The following OR7E24 variants were observed in gnomAD, a reference collection of about 807,000 sequenced individuals.
OR7E24 encodes olfactory receptor 7E24.
For missense variants in OR7E24, 385 were observed against 410.3 expected (o/e 0.94, Z 0.53); for synonymous variants, 130 against 157.5 (o/e 0.83, Z 1.31).
the OR7E24 span, chr19:9,212,402 G>A: frequency 6.6e-6 from 1 of 152,106 alleles, no homozygotes; most frequent in Non-Finnish European, 1.5e-5. Context: ...TACCAAATTT[G>A]CAGGATGCAA....
At chr19:9,238,867 A>G in the OR7E24 span, among the ~76,000 whole-genome samples, 3 of 152,312 alleles carry the variant, frequency 2.0e-5, no homozygotes, top group South Asian at 6.2e-4. Flanking sequence ...TTCTTTGTAA[A>G]GGCTAAATAG....
At chr19:9,218,598 T>A in the OR7E24 span, among the ~76,000 whole-genome samples, 1 of 152,156 alleles carries the variant, frequency 6.6e-6, no homozygotes, top group African/African-American at 2.4e-5. Context: ...CTACTACAAT[T>A]TCAATCTTTT....
At chr19:9,243,160 G>T (rs1297404548), upstream of OR7E24, among the ~76,000 whole-genome samples, 1 of 152,006 alleles carries the variant, frequency 6.6e-6, no homozygotes, top group Admixed American at 6.6e-5. Context: ...GGTAGAACTG[G>T]GTCTGCAGTG....
At chr19:9,214,670 G>T in the OR7E24 span, 2 of 1,614,188 alleles carry the variant, frequency 1.2e-6, no homozygotes, top group Non-Finnish European at 1.7e-6. Flanking sequence ...ACATGGGGGT[G>T]TGGAGGTGGG....
In OR7E24 at chr19:9,251,698, T is replaced by G. The variant is rs1297264405; in HGVS notation, c.655T>G (p.Phe219Val). Residue 219 changes from phenylalanine to valine, a missense_variant, in exon 1 of 1, where the codon TTC (phenylalanine) becomes GTC (valine). Phe to Val is a conservative substitution (Grantham distance 50, BLOSUM62 -1). Transcript: ENST00000456448. ...DTFINEMVIY[F>V]MGAIFGCLPI... ...CTTCATCAATGAAATGGTCATATAT[T>G]TCATGGGTGCCATATTTGGCTGTCT... 5 of 1,613,680 alleles carry G rather than the reference T, an allele frequency of 3.1e-6. No individual in the cohort carries two copies. The highest frequency in any genetic ancestry group is 4.2e-6 in the Non-Finnish European group (5 of 1,179,850).
chr19:9,236,517 A>G, the OR7E24 span, among the ~76,000 whole-genome samples: 1 of 152,086 alleles, frequency 6.6e-6, no homozygotes. Flanking sequence ...CTGAAAAAAA[A>G]GAAAAAAAAG....
At chr19:9,219,742 G>C in the OR7E24 span, among the ~76,000 whole-genome samples, 1 of 152,176 alleles carries the variant, frequency 6.6e-6, no homozygotes, top group African/African-American at 2.4e-5. Context: ...TCTCCAAAGA[G>C]TTTGGCTCCC....
the OR7E24 span, among the ~76,000 whole-genome samples, chr19:9,228,695 C>G: frequency 6.6e-6 from 1 of 152,184 alleles, no homozygotes; most frequent in Non-Finnish European, 1.5e-5. Flanking sequence ...AAAACCTACT[C>G]ACCAATTTGC....
At chr19:9,225,284 T>C in the OR7E24 span, among the ~76,000 whole-genome samples, 1 of 151,840 alleles carries the variant, frequency 6.6e-6, no homozygotes, top group East Asian at 2.0e-4. Flanking sequence ...GCAAGAGAAC[T>C]GCTTGAACCT....
At chr19:9,238,251 A>C in the OR7E24 span, among the ~76,000 whole-genome samples, 2,973 of 152,268 alleles carry the variant, frequency 0.02, 84 homozygotes, top group African/African-American at 0.068. Flanking sequence ...AGAGCAAGTG[A>C]CAGCCTGGGT....
the OR7E24 span, chr19:9,207,579 A>G: frequency 6.6e-6 from 1 of 152,344 alleles, no homozygotes; most frequent in East Asian, 1.9e-4. Flanking sequence ...TAGATAGAAG[A>G]AATAAGTTCC....
the OR7E24 span, among the ~76,000 whole-genome samples, chr19:9,241,702 T>G: frequency 6.6e-6 from 1 of 152,178 alleles, no homozygotes; most frequent in Non-Finnish European, 1.5e-5. Context: ...AGGTAGAGGT[T>G]GCAGTGAGCT....
At chr19:9,235,161 T>G in the OR7E24 span, 5 of 1,243,796 alleles carry the variant, frequency 4.0e-6, no homozygotes, top group Non-Finnish European at 5.7e-6. Context: ...CAGAAAACCT[T>G]ACAGAATTAT....
chr19:9,223,270 G>A, the OR7E24 span, among the ~76,000 whole-genome samples: 15 of 152,284 alleles, frequency 9.9e-5, no homozygotes, highest in Admixed American at 3.9e-4. Flanking sequence ...CGGACATTCC[G>A]AAGCAGCACC....
At chr19:9,216,625 T>C in the OR7E24 span, among the ~76,000 whole-genome samples, 1 of 152,136 alleles carries the variant, frequency 6.6e-6, no homozygotes, top group South Asian at 2.1e-4. Flanking sequence ...AGAGTCTCAC[T>C]CTGTTGACCA....
At chr19:9,213,193 G>A in the OR7E24 span, 1 of 152,152 alleles carries the variant, frequency 6.6e-6, no homozygotes, top group East Asian at 1.9e-4. Context: ...ACTATACTAA[G>A]GTGAGGAACA....
the OR7E24 span, chr19:9,214,427 G>A: frequency 6.2e-7 from 1 of 1,614,164 alleles, no homozygotes; most frequent in Non-Finnish European, 8.5e-7. Flanking sequence ...AGAGGCAGGG[G>A]TTCATGATGA....
At chr19:9,221,611 A>G in the OR7E24 span, among the ~76,000 whole-genome samples, 1 of 151,758 alleles carries the variant, frequency 6.6e-6, no homozygotes, top group East Asian at 2.0e-4. Flanking sequence ...TCTGCCTCTC[A>G]AAGTGCTGGG....
At chr19:9,241,273 C>T in the OR7E24 span, among the ~76,000 whole-genome samples, 1 of 152,110 alleles carries the variant, frequency 6.6e-6, no homozygotes, top group South Asian at 2.1e-4. Context: ...AATGTGTTAG[C>T]CTAGGGTTCA....
Sources: gnomAD v4.1 joint callset for allele counts (sites outside exome capture counted in the v4.1 genomes callset) on GRCh38, gnomAD v4.1.1 for gene constraint, MANE v1.5 for transcripts, NCBI Gene and HGNC (gene_info 2026-07-23, HGNC 2026-07-21) for gene names.